The following NCALD variants were observed in gnomAD, a reference collection of about 807,000 sequenced individuals.
NCALD encodes the protein neurocalcin-delta.
A neutral mutation model predicts 18.6 loss-of-function variants in NCALD; 10 were observed. That is an observed-to-expected ratio of 0.54 (90% CI 0.33 to 0.91). The LOEUF is 0.91. Ranked by LOEUF, NCALD falls within the 40% of genes least tolerant of loss-of-function variation. The pLI is 0.03. For synonymous variants in NCALD, 88 were observed against 87.4 expected (o/e 1.01, Z -0.04); for missense variants, 184 against 247.6 (o/e 0.74, Z 1.72).
intron 4 of NCALD, among the ~76,000 whole-genome samples, chr8:101,816,430 G>A (rs1307696337): frequency 6.6e-6 from 1 of 152,038 alleles, no homozygotes; most frequent in East Asian, 1.9e-4. Context: ...ATACAAACAG[G>A]CCTTGTAAAA....
At chr8:101,931,437 A>C (rs898315214) in intron 2 of NCALD, among the ~76,000 whole-genome samples, 1 of 152,212 alleles carries the variant, frequency 6.6e-6, no homozygotes, top group Non-Finnish European at 1.5e-5. Flanking sequence ...CTACCAAGGC[A>C]ATACCAAGGA....
intron 2 of NCALD, among the ~76,000 whole-genome samples, chr8:101,988,156 A>G (rs1820894354): frequency 8.1e-6 from 1 of 123,596 alleles, no homozygotes; most frequent in Admixed American, 8.2e-5. Context: ...CTCCGTCTCA[A>G]AAAAAAAAAA....
intron 4 of NCALD, among the ~76,000 whole-genome samples, chr8:101,856,086 G>T (rs956899162): frequency 5.3e-5 from 8 of 152,166 alleles, no homozygotes; most frequent in African/African-American, 1.9e-4. Flanking sequence ...AAAAGATGAA[G>T]AATGGGATCT....
intron 2 of NCALD, among the ~76,000 whole-genome samples, chr8:101,925,898 T>G (rs1563902358): frequency 6.6e-6 from 1 of 152,176 alleles, no homozygotes; most frequent in African/African-American, 2.4e-5. Context: ...CAATTAAATG[T>G]TGATAAGTAA....
chr8:102,123,905 C>A, intron 1 of NCALD: 1 of 152,924 alleles, frequency 6.5e-6, no homozygotes, highest in South Asian at 2.0e-4. Context: ...CCCAGCGCGC[C>A]CCATCCCGCC....
At chr8:101,994,755 A>G (rs1298442768) in intron 2 of NCALD, among the ~76,000 whole-genome samples, 3 of 152,238 alleles carry the variant, frequency 2.0e-5, no homozygotes, top group Non-Finnish European at 4.4e-5. Flanking sequence ...ATGAAATAGA[A>G]TAGAGTAGTA....
At chr8:101,865,756 C>T (rs879438065) in intron 4 of NCALD, among the ~76,000 whole-genome samples, 5 of 152,090 alleles carry the variant, frequency 3.3e-5, no homozygotes, top group Admixed American at 2.6e-4. Flanking sequence ...TCTCCACCTA[C>T]CCTCCTTTAC....
At chr8:101,788,071 A>G (rs1330921061) in intron 1 of NCALD, among the ~76,000 whole-genome samples, 1 of 152,210 alleles carries the variant, frequency 6.6e-6, no homozygotes, top group African/African-American at 2.4e-5. Context: ...AGAAAGTTAC[A>G]ATTTGGTAGC....
At chr8:101,972,930 T>C (rs1425041470) in intron 2 of NCALD, among the ~76,000 whole-genome samples, 1 of 152,116 alleles carries the variant, frequency 6.6e-6, no homozygotes, top group East Asian at 1.9e-4. Context: ...GAAGAGACAG[T>C]TGTCACTTTA....
At chr8:101,880,049 G>A (rs1287032384) in intron 4 of NCALD, among the ~76,000 whole-genome samples, 3 of 151,220 alleles carry the variant, frequency 2.0e-5, no homozygotes, top group African/African-American at 7.3e-5. Context: ...TAGTCTGGGA[G>A]GCTGGGGCCT....
chr8:101,791,438 A>C (rs3808363), upstream of NCALD, among the ~76,000 whole-genome samples: 1,046 of 152,274 alleles, frequency 6.9e-3, 30 homozygotes, highest in Admixed American at 0.05. Context: ...TAAAAACAGA[A>C]GCTCAGGGGG....
intron 2 of NCALD, among the ~76,000 whole-genome samples, chr8:101,711,890 G>A (rs1424580956): frequency 6.6e-5 from 10 of 152,036 alleles, no homozygotes; most frequent in African/African-American, 2.4e-4. Flanking sequence ...AGCAAGACAG[G>A]CCAACATTCA....
chr8:101,717,497 T>G (rs553946972), intron 2 of NCALD, among the ~76,000 whole-genome samples: 80 of 152,246 alleles, frequency 5.3e-4, no homozygotes, highest in Middle Eastern at 6.8e-3. Flanking sequence ...TATCAACACT[T>G]GTTATCAAGT....
chr8:101,938,681 T>C (rs1329043437), intron 2 of NCALD, among the ~76,000 whole-genome samples: 1 of 151,824 alleles, frequency 6.6e-6, no homozygotes, highest in Admixed American at 6.6e-5. Context: ...TAAGTGGCAA[T>C]AGAAAGATGC....
intron 3 of NCALD, among the ~76,000 whole-genome samples, chr8:101,909,992 C>T (rs186678943): frequency 6.6e-6 from 1 of 152,224 alleles, no homozygotes; most frequent in East Asian, 1.9e-4. Flanking sequence ...TAGAATTTCA[C>T]CATTGGGAGT....
At chr8:101,929,214 T>C (rs1223960741) in intron 2 of NCALD, among the ~76,000 whole-genome samples, 1 of 117,212 alleles carries the variant, frequency 8.5e-6, no homozygotes, top group Non-Finnish European at 1.6e-5. Context: ...TTCTAGCCCC[T>C]AAAGAAGGGG....
chr8:101,923,671 T>C (rs1818243232), intron 2 of NCALD, among the ~76,000 whole-genome samples: 1 of 152,260 alleles, frequency 6.6e-6, no homozygotes, highest in African/African-American at 2.4e-5. Flanking sequence ...CAATACTTTA[T>C]ATATTTTGGT....
At position 101,896,417 on chromosome 8, in the gene NCALD, A is replaced by C. The variant is rs867589126; in HGVS notation, c.-106-9190T>G. 2.6e-3 allele frequency among the ~76,000 whole-genome samples: 390 copies of C among 152,280 alleles called. 2 individuals carry two copies. The highest frequency in any genetic ancestry group is 0.011 in the South Asian group (53 of 4,820). ...GACCTAAAACCATAAAAACCCTAGA[A>C]GAAAACCTAGGCATTGCCATTCAGG... On this transcript the variant is annotated intron_variant, in intron 3 of 6. Coordinates refer to the NCALD transcript ENST00000311028.
In NCALD at chr8:101,804,216, C is replaced by G. The variant is rs999469556; in HGVS notation, c.-20+82925G>C. Among the ~76,000 whole-genome samples, 4 of 149,130 alleles carry G rather than the reference C, an allele frequency of 2.7e-5. No homozygotes were observed. In the South Asian group the frequency reaches 8.5e-4, roughly 32 times the overall value. On this transcript the variant is annotated intron_variant, in intron 4 of 6. Coordinates refer to the NCALD transcript ENST00000311028. ...AGAAAAATTATTTTCTAAAAATTAG[C>G]AATTTTAGAAAATAATATTTTATAT...
Sources: allele counts gnomAD v4.1 joint callset (sites outside exome capture counted in the v4.1 genomes callset), GRCh38; gene constraint gnomAD v4.1.1; transcripts MANE v1.5; gene names NCBI Gene and HGNC (gene_info 2026-07-23, HGNC 2026-07-21).